AUTS2: variants seen among roughly 807,000 people sequenced by gnomAD.
AUTS2 encodes activator of transcription and developmental regulator AUTS2.
A neutral mutation model predicts 112.4 loss-of-function variants in AUTS2; 17 were observed. That is an observed-to-expected ratio of 0.15 (90% CI 0.10 to 0.23). The LOEUF (loss-of-function observed/expected upper bound fraction) is 0.23. Ranked by LOEUF, AUTS2 falls within the 10% of genes least tolerant of loss-of-function variation. The probability of loss-of-function intolerance (pLI) is 1.00; values close to 1 mark genes in which losing one functional copy is unlikely to be tolerated. For synonymous variants in AUTS2, 751 were observed against 702.7 expected (o/e 1.07, Z -1.09); for missense variants, 1,510 against 1,701.6 (o/e 0.89, Z 1.98).
chr7:70,695,407 G>A (rs942745356), intron 5 of AUTS2, among the ~76,000 whole-genome samples: 3 of 152,234 alleles, frequency 2.0e-5, no homozygotes, highest in African/African-American at 7.2e-5. Flanking sequence ...CCGCTCCTGG[G>A]GTCGCGCTTC....
chr7:69,769,067 A>G (rs182193825), intron 1 of AUTS2, among the ~76,000 whole-genome samples: 112 of 152,352 alleles, frequency 7.4e-4, no homozygotes, highest in African/African-American at 2.5e-3. Context: ...TGACACAGGG[A>G]TCAAAACATA....
At chr7:70,207,979 C>T (rs998460169) in intron 4 of AUTS2, among the ~76,000 whole-genome samples, 13 of 141,832 alleles carry the variant, frequency 9.2e-5, no homozygotes, top group Admixed American at 1.4e-4. Flanking sequence ...CCATTGCACT[C>T]CAGCCTGGGC....
chr7:70,150,454 T>C (rs1476875160), intron 4 of AUTS2, among the ~76,000 whole-genome samples: 1 of 152,154 alleles, frequency 6.6e-6, no homozygotes, highest in African/African-American at 2.4e-5. Flanking sequence ...TAGTCCAAAT[T>C]GCAAAGAGCT....
intron 5 of AUTS2, among the ~76,000 whole-genome samples, chr7:70,485,335 C>G (rs1797941874): frequency 6.6e-6 from 1 of 152,110 alleles, no homozygotes; most frequent in Non-Finnish European, 1.5e-5. Flanking sequence ...ATGGATGGAG[C>G]TGGAGGCCAT....
chr7:69,641,303 C>T (rs1474625142), intron 1 of AUTS2, among the ~76,000 whole-genome samples: 3 of 152,240 alleles, frequency 2.0e-5, no homozygotes, highest in Non-Finnish European at 2.9e-5. Flanking sequence ...CCTCTAGATC[C>T]TCCAGACAAA....
intron 4 of AUTS2, among the ~76,000 whole-genome samples, chr7:70,351,047 T>G (rs553974325): frequency 1.2e-3 from 173 of 146,490 alleles, no homozygotes; most frequent in African/African-American, 4.2e-3. Context: ...GGATTTTGTC[T>G]TCTTCTTTTT....
At position 69,904,985 on chromosome 7, in the gene AUTS2, A is replaced by G. The variant is rs1403352458; in HGVS notation, c.522+5487A>G. On this transcript the variant is annotated intron_variant, in intron 2 of 18. Coordinates refer to ENST00000342771, the MANE Select transcript of AUTS2 (RefSeq NM_015570.4). ...TGTTCAGGAATTACTCACGTATTGT[A>G]TTGGAAGTATTGGTTTGTAACTGGG... Among the ~76,000 whole-genome samples the G allele has an allele frequency of 2.0e-5, 3 of 152,290 alleles. No homozygotes were observed. In the East Asian group the frequency reaches 5.8e-4, roughly 29 times the overall value.
chr7:70,666,851 G>A (rs893049829), intron 5 of AUTS2, among the ~76,000 whole-genome samples: 6 of 151,710 alleles, frequency 4.0e-5, no homozygotes, highest in East Asian at 1.9e-4. Context: ...CCTGGGAGCT[G>A]GAAGCTGTTA....
At position 70,491,474 on chromosome 7, in the gene AUTS2, AAT is replaced by A. The variant is rs556720785; in HGVS notation, c.690+55700_690+55701del. On this transcript the variant is annotated intron_variant, in intron 5 of 18. Coordinates refer to ENST00000342771, the MANE Select transcript of AUTS2 (RefSeq NM_015570.4). ...TAATATATATGTTATATATACACAT[AAT>A]ATATATGTTATATATACACATAATA... Among the ~76,000 whole-genome samples the A allele has an allele frequency of 4.7e-5, 7 of 147,938 alleles. No homozygotes were observed. In the East Asian group the frequency reaches 5.9e-4, roughly 12 times the overall value.
chr7:70,631,442 G>A lies in AUTS2; in HGVS notation c.691-67127G>A, dbSNP rs1055389261. 6.6e-6 allele frequency among the ~76,000 whole-genome samples: 1 copy of A among 152,150 alleles called. No homozygotes were observed. The highest frequency in any genetic ancestry group is 2.4e-5 in the African/African-American group (1 of 41,430). On this transcript the variant is annotated intron_variant, in intron 5 of 18. Coordinates refer to ENST00000342771, the MANE Select transcript of AUTS2 (RefSeq NM_015570.4). The surrounding 1 kb of genome is among the most constrained non-coding windows in gnomAD (Gnocchi z 4.5). Reference sequence around the variant, plus strand: ...GGAAGAGGCTCGTTTCAGAGGAAGCGTCCAATGGGCCGTTCAGGTTAGGGA... The same window carrying A: ...GGAAGAGGCTCGTTTCAGAGGAAGCATCCAATGGGCCGTTCAGGTTAGGGA...
At chr7:69,671,381 G>A (rs1345618362) in intron 1 of AUTS2, among the ~76,000 whole-genome samples, 1 of 152,084 alleles carries the variant, frequency 6.6e-6, no homozygotes, top group African/African-American at 2.4e-5. Context: ...TTGTTGGAAA[G>A]ATTAAGAAAG....
chr7:70,625,009 G>A (rs1375281791), intron 5 of AUTS2, among the ~76,000 whole-genome samples: 2 of 152,122 alleles, frequency 1.3e-5, no homozygotes, highest in East Asian at 3.9e-4. Context: ...ACAGCCAGCA[G>A]CCTGGCTCAT....
Position 69,826,828 on chromosome 7 carries a change from T to TG in AUTS2, c.310-72454dup, listed in dbSNP as rs1791269543. The stretch of plus-strand genomic sequence containing the variant: ...TTAGTTTTGGAAGACTACATTTTTC[T>TG]GGGGTGGTTTATGAGTTGTTTTCCT... On this transcript the variant is annotated intron_variant, in intron 1 of 18. Coordinates refer to ENST00000342771, the MANE Select transcript of AUTS2 (RefSeq NM_015570.4). Among the ~76,000 whole-genome samples, 10 of 152,324 alleles carry TG rather than the reference T, an allele frequency of 6.6e-5. No homozygotes were observed. The South Asian group carries it at 2.1e-3, about 32-fold the overall frequency.
intron 6 of AUTS2, among the ~76,000 whole-genome samples, chr7:70,738,294 C>T (rs373620853): frequency 6.6e-6 from 1 of 152,014 alleles, no homozygotes; most frequent in Non-Finnish European, 1.5e-5. Context: ...TGATTCTCTC[C>T]AATTGGCCAG....
At chr7:70,579,333 GT>G (rs1802331959) in intron 5 of AUTS2, among the ~76,000 whole-genome samples, 1 of 149,118 alleles carries the variant, frequency 6.7e-6, no homozygotes, top group Non-Finnish European at 1.5e-5. Flanking sequence ...ATGCTGAGAA[GT>G]GTCACTTTAA....
chr7:69,628,228 C>T (rs1192248525), intron 1 of AUTS2, among the ~76,000 whole-genome samples: 1 of 152,152 alleles, frequency 6.6e-6, no homozygotes, highest in Non-Finnish European at 1.5e-5. Flanking sequence ...CCTGTTCTTC[C>T]ATTGAGGTGT....
chr7:70,367,274 A>G (rs1792619619), intron 4 of AUTS2, among the ~76,000 whole-genome samples: 1 of 151,834 alleles, frequency 6.6e-6, no homozygotes, highest in African/African-American at 2.4e-5. Flanking sequence ...AAAAACAAAA[A>G]GGCCAGGCAC....
chr7:70,780,265 CTA>C (rs1491161616), intron 14 of AUTS2, among the ~76,000 whole-genome samples: 1 of 152,054 alleles, frequency 6.6e-6, no homozygotes, highest in Non-Finnish European at 1.5e-5. Context: ...GGCCTCCAGC[CTA>C]GAGAAGGATG....
Position 70,631,350 on chromosome 7 carries a change from G to A in AUTS2, c.691-67219G>A, listed in dbSNP as rs527316214. Among the ~76,000 whole-genome samples, 16 of 152,292 alleles carry A rather than the reference G, an allele frequency of 1.1e-4. No individual in the cohort carries two copies. Among genetic ancestry groups the A allele is most frequent in the Admixed American group, 6.5e-4 (10 of 15,300 alleles). On this transcript the variant is annotated intron_variant, in intron 5 of 18. Transcript: ENST00000342771. This position sits in a 1 kb window ranked among gnomAD's most constrained non-coding sequence, Gnocchi z 4.5. ...ACCAGGGCAGGGGCTGGCGACTGGCGGCGGGGAAGCATGTGCACATGCGTG... is the reference window on the plus strand; with the variant it reads ...ACCAGGGCAGGGGCTGGCGACTGGCAGCGGGGAAGCATGTGCACATGCGTG...
Sources: allele counts gnomAD v4.1 joint callset (sites outside exome capture counted in the v4.1 genomes callset), GRCh38; gene constraint gnomAD v4.1.1; non-coding constraint Gnocchi (gnomAD v3.1); transcripts MANE v1.5; gene names NCBI Gene and HGNC (gene_info 2026-07-23, HGNC 2026-07-21).